Variants in LNX2 observed in about 807,000 individuals in gnomAD.
The protein encoded by LNX2 is ligand of numb-protein X 2.
LNX2 carries 35 observed loss-of-function variants against 66.2 expected under a neutral mutation model. That is an observed-to-expected ratio of 0.53 (90% CI 0.40 to 0.70). LNX2 has a LOEUF of 0.70. LNX2 is among the 30% of genes least tolerant of loss of function. The probability of loss-of-function intolerance (pLI) is 0.00; values close to 1 mark genes in which losing one functional copy is unlikely to be tolerated. For missense variants in LNX2, 791 were observed against 850.8 expected (o/e 0.93, Z 0.87); for synonymous variants, 337 against 315.6 (o/e 1.07, Z -0.72).
At chr13:27,589,418 A>G (rs553229224) in intron 1 of LNX2, among the ~76,000 whole-genome samples, 45 of 152,240 alleles carry the variant, frequency 3.0e-4, no homozygotes, top group South Asian at 8.3e-4. Context: ...ACGATTCTGT[A>G]TCTGTTTATA....
intron 4 of LNX2, among the ~76,000 whole-genome samples, chr13:27,563,662 C>A (rs1955169571): frequency 6.6e-6 from 1 of 152,126 alleles, no homozygotes; most frequent in Admixed American, 6.5e-5. Context: ...GAGATGAAAC[C>A]AACATCCTCT....
At chr13:27,587,387 G>A (rs976707229) in intron 1 of LNX2, among the ~76,000 whole-genome samples, 2 of 152,002 alleles carry the variant, frequency 1.3e-5, no homozygotes, top group African/African-American at 2.4e-5. Flanking sequence ...CCTCTTTGAG[G>A]GTAAAAATAG....
rs11281345 is a variant in LNX2 at position 27,583,261 on chromosome 13, C to CGCGCGCGCGCGTGT, written c.-100-1459_-100-1458insACACGCGCGCGCGC. 1.3e-4 allele frequency among the ~76,000 whole-genome samples: 6 copies of CGCGCGCGCGCGTGT among 45,480 alleles called. 1 individual carries two copies. Among genetic ancestry groups the CGCGCGCGCGCGTGT allele is most frequent in the Admixed American group, 6.7e-4 (3 of 4,500 alleles). The allele number at this position is 45,480 out of a possible 152,430, so 29.8% of individuals were successfully genotyped here. A position where few individuals can be genotyped will look rare whatever the true frequency, so the allele number is the denominator to read the frequency against. On this transcript the variant is annotated intron_variant, in intron 1 of 9. Coordinates refer to ENST00000316334, the MANE Select transcript of LNX2 (RefSeq NM_153371.4). ...GTGTGTGTGTGTGTGTGTGTGCGCG[C>CGCGCGCGCGCGTGT]GTCCTCTCCAACATACTTATTTTTA...
At chr13:27,583,832 G>C (rs1345254730) in intron 1 of LNX2, among the ~76,000 whole-genome samples, 1 of 152,096 alleles carries the variant, frequency 6.6e-6, no homozygotes, top group Admixed American at 6.6e-5. Context: ...TCTAAGAAAA[G>C]TTATGCACAG....
chr13:27,617,068 TTC>T (rs1955835669), intron 1 of LNX2, among the ~76,000 whole-genome samples: 1 of 152,204 alleles, frequency 6.6e-6, no homozygotes, highest in Admixed American at 6.5e-5. Context: ...TCTTAATAAC[TTC>T]TTAGAAGGCT....
At chr13:27,608,375 T>C (rs962954218) in intron 1 of LNX2, among the ~76,000 whole-genome samples, 1 of 152,202 alleles carries the variant, frequency 6.6e-6, no homozygotes, top group Non-Finnish European at 1.5e-5. Flanking sequence ...CTATCCCAAA[T>C]ATCTAGAATG....
At chr13:27,579,907 T>TA (rs941289690) in intron 2 of LNX2, among the ~76,000 whole-genome samples, 9 of 152,146 alleles carry the variant, frequency 5.9e-5, no homozygotes, top group Admixed American at 1.3e-4. Context: ...ACAGAAGATA[T>TA]AAAAAAATGC....
At chr13:27,620,858 A>G (rs933071586), upstream of LNX2, 4 of 152,700 alleles carry the variant, frequency 2.6e-5, no homozygotes, top group African/African-American at 7.2e-5. Flanking sequence ...GGCCGCCGCC[A>G]AGAGTGGCAC....
In LNX2 at chr13:27,604,478, T is replaced by C. The variant is rs527364662; in HGVS notation, c.-101+15897A>G. ...AAGTCCTTTGACACTCCAAAGAGCA[T>C]CACAAATTTAATCCACCATAAGTTT... On this transcript the variant is annotated intron_variant, in intron 1 of 9. Transcript: ENST00000316334. Among the ~76,000 whole-genome samples, 4 of 152,300 alleles carry C rather than the reference T, an allele frequency of 2.6e-5. No homozygotes were observed. The East Asian group carries it at 7.7e-4, about 29-fold the overall frequency.
At chr13:27,596,975 G>A (rs1445331153) in intron 1 of LNX2, among the ~76,000 whole-genome samples, 2 of 152,078 alleles carry the variant, frequency 1.3e-5, no homozygotes, top group African/African-American at 2.4e-5. Flanking sequence ...ATCTAAGCAG[G>A]CATTTTCCCC....
rs1050832471 is a variant in LNX2 at position 27,562,496 on chromosome 13, G to C, written c.1141C>G (p.Leu381Val). Residue 381 changes from leucine to valine, a missense_variant, in exon 5 of 10, where the codon CTA (leucine) becomes GTA (valine). Physicochemically the swap from Leu to Val is conservative, Grantham distance 32 (BLOSUM62 1). Coordinates refer to ENST00000316334, the MANE Select transcript of LNX2 (RefSeq NM_153371.4). The stretch of plus-strand genomic sequence containing the variant: ...GCCAGCACTCGGTCATTGCTGCTTA[G>C]CCTGCCGTCCTGGGCAGCCAACCCC... The part of the protein sequence containing the change: ...EGGLAAQDGR[L>V]SSNDRVLAIN... 47 of 1,614,040 alleles carry C rather than the reference G, an allele frequency of 2.9e-5. No homozygotes were observed. The highest frequency in any genetic ancestry group is 1.8e-4 in the Admixed American group (11 of 60,000).
At chr13:27,574,993 G>T (rs1160395071) in intron 2 of LNX2, among the ~76,000 whole-genome samples, 4 of 152,312 alleles carry the variant, frequency 2.6e-5, no homozygotes, top group Non-Finnish European at 4.4e-5. Flanking sequence ...AAAAATAAAA[G>T]AGAAATTGAG....
intron 2 of LNX2, among the ~76,000 whole-genome samples, chr13:27,573,212 G>T (rs574877930): frequency 1.1e-4 from 17 of 152,302 alleles, no homozygotes; most frequent in Middle Eastern, 3.4e-3. Context: ...AAATCAGGAG[G>T]CTGGCAGACA....
chr13:27,618,437 A>AC (rs754579858), intron 1 of LNX2, among the ~76,000 whole-genome samples: 4 of 151,968 alleles, frequency 2.6e-5, no homozygotes, highest in Non-Finnish European at 5.9e-5. Context: ...TGAGCACTTA[A>AC]CCCCTCCATT....
At chr13:27,600,035 C>G (rs1955640181) in intron 1 of LNX2, among the ~76,000 whole-genome samples, 1 of 152,134 alleles carries the variant, frequency 6.6e-6, no homozygotes, top group Non-Finnish European at 1.5e-5. Context: ...TGGCACATAA[C>G]TAACAGGCAC....
intron 2 of LNX2, among the ~76,000 whole-genome samples, chr13:27,577,890 G>C (rs1955356546): frequency 1.3e-5 from 2 of 152,174 alleles, no homozygotes; most frequent in South Asian, 2.1e-4. Context: ...CTATATAGCT[G>C]ATGTTGCTTG....
chr13:27,608,797 T>TTTTTTTGTTTTGTTTTG (rs146964306), intron 1 of LNX2, among the ~76,000 whole-genome samples: 11 of 150,860 alleles, frequency 7.3e-5, no homozygotes, highest in Non-Finnish European at 1.6e-4. Flanking sequence ...TTCTTTGAGT[T>TTTTTTTGTTTTGTTTTG]TTTTGTTTTG....
intron 1 of LNX2, among the ~76,000 whole-genome samples, chr13:27,600,046 A>T (rs1955640326): frequency 6.6e-6 from 1 of 152,196 alleles, no homozygotes; most frequent in South Asian, 2.1e-4. Flanking sequence ...TAACAGGCAC[A>T]TCAGTTATGT....
intron 1 of LNX2, among the ~76,000 whole-genome samples, chr13:27,582,920 TG>T (rs1271320402): frequency 2.0e-5 from 3 of 152,058 alleles, no homozygotes; most frequent in Non-Finnish European, 4.4e-5. Flanking sequence ...CTCAGCACTA[TG>T]GGAAAAATGA....
Sources: gnomAD v4.1 joint callset for allele counts (sites outside exome capture counted in the v4.1 genomes callset) on GRCh38, gnomAD v4.1.1 for gene constraint, MANE v1.5 for transcripts, NCBI Gene and HGNC (gene_info 2026-07-23, HGNC 2026-07-21) for gene names.